The following MUC5B variants were observed in gnomAD, a reference collection of about 807,000 sequenced individuals.
MUC5B encodes mucin 5B, oligomeric mucus/gel-forming.
In MUC5B, 116 loss-of-function variants were observed where a neutral mutation model predicts 376.9. The ratio of observed to expected loss-of-function variants is 0.31; its 90% confidence interval spans 0.26 to 0.36. The LOEUF (loss-of-function observed/expected upper bound fraction) is 0.36. MUC5B is among the 10% of genes least tolerant of loss of function. The probability of loss-of-function intolerance (pLI) is 1.00; values close to 1 mark genes in which losing one functional copy is unlikely to be tolerated. For missense variants in MUC5B, 7,165 were observed against 7,769.9 expected (o/e 0.92, Z 2.93); for synonymous variants, 3,517 against 3,390.9 (o/e 1.04, Z -1.29).
Position 1,261,379 on chromosome 11 carries a change from G to A in MUC5B, c.17070-10G>A. ...AGGTGGCTGATGTGAGGGCCACCCT[G>A]CGTCCACAGGTACTCAGCAGAGGCC... On this transcript the variant is annotated splice_polypyrimidine_tract_variant and intron_variant, in intron 48 of 48. Coordinates refer to ENST00000529681, the MANE Select transcript of MUC5B (RefSeq NM_002458.3). 6.5e-7 allele frequency: 1 copy of A among 1,540,496 alleles called. No homozygotes were observed.
At position 1,251,560 on chromosome 11, in the gene MUC5B, G is replaced by T. The variant is rs1590189241; in HGVS notation, c.14680G>T (p.Val4894Phe). ...TATGCCCACAGCCACTGCCTCCACG[G>T]TTCCCAGCTCGTCCACCGTGGGGAC... ...ATMPTATAST[V>F]PSSSTVGTTR... The change falls in exon 31 of 49, where the codon GTT becomes TTT. Residue 4894 changes from valine to phenylalanine, a missense_variant. Val to Phe is a conservative substitution (Grantham distance 50, BLOSUM62 -1). Transcript: ENST00000529681. 1.2e-6 allele frequency: 2 copies of T among 1,612,940 alleles called. 1 individual carries two copies. The highest frequency in any genetic ancestry group is 3.3e-4 in the Middle Eastern group (2 of 6,060).
chr11:1,255,509 C>T lies in MUC5B; in HGVS notation c.16017C>T (p.Arg5339=), dbSNP rs374509500. The change falls in exon 37 of 49, where the codon CGC becomes CGT. Residue 5339 remains arginine (R), a synonymous_variant. Transcript: ENST00000529681. ...QSLEAYAELC[R]ARGVCSDWRG... is the part of the protein sequence containing the mutation. ...TGGAGGCTTACGCAGAGCTCTGCCG[C>T]GCCCGGGGAGTGTGCAGTGACTGGC... 4.0e-5 allele frequency: 62 copies of T among 1,553,120 alleles called. No homozygotes were observed. Among genetic ancestry groups the T allele is most frequent in the African/African-American group, 1.9e-4 (14 of 73,200 alleles).
At chr11:1,231,963 T>C in intron 14 of MUC5B, 33 bp from the exon 15 acceptor site, 1 of 1,611,658 alleles carries the variant, frequency 6.2e-7, no homozygotes, top group South Asian at 1.1e-5. Flanking sequence ...GGCCCAACAG[T>C]GGCCGCTGAC....
In MUC5B at chr11:1,246,624, C is replaced by A. The variant is rs1208883416; in HGVS notation, c.9744C>A (p.Ala3248=). Residue 3248 remains alanine, a synonymous_variant, in exon 31 of 49, where the codon GCC becomes GCA. Transcript: ENST00000529681. ...TAIPSSSLGT[A]WTRLSQTTTP... ...TCCCCTCTTCCTCCCTGGGCACCGC[C>A]TGGACCCGCCTATCACAGACCACCA... 7 of 1,612,936 alleles carry A rather than the reference C, an allele frequency of 4.3e-6. 1 individual carries two copies. Among genetic ancestry groups the A allele is most frequent in the South Asian group, 2.2e-5 (2 of 91,042 alleles).
Position 1,260,656 on chromosome 11 carries a change from T to A in MUC5B, c.16997T>A (p.Ile5666Asn). ...DSCQVRINTT[I>N]LWHQGCETEV... ...TGTCAAGTCCGCATCAACACGACCA[T>A]CCTGTGGCACCAGGGCTGCGAGACC... Residue 5666 changes from isoleucine to asparagine, a missense_variant, in exon 48 of 49, where the codon ATC (isoleucine) becomes AAC (asparagine). By Grantham distance (149) the Ile-to-Asn change is moderately radical. Transcript: ENST00000529681. 4 of 1,612,618 alleles carry A rather than the reference T, an allele frequency of 2.5e-6. No individual in the cohort carries two copies. Among genetic ancestry groups the A allele is most frequent in the Middle Eastern group, 1.7e-4 (1 of 6,058 alleles).
intron 38 of MUC5B, 182 bp from the exon 39 acceptor site, chr11:1,256,470 CCATCCCCGCCCATACTTAG>C: frequency 1.9e-6 from 1 of 515,802 alleles, no homozygotes; most frequent in Non-Finnish European, 3.4e-6. Flanking sequence ...CGAGCCCCAC[CCATCCCCGCCCATACTTAG>C]CCCCGCCCAC....
At position 1,250,034 on chromosome 11, in the gene MUC5B, C is replaced by G. The variant is rs372174055; in HGVS notation, c.13154C>G (p.Thr4385Ser). ...ATSSTSTPSS[T>S]PGTTWILTEL... ...AGTTCCACGTCCACCCCCTCCTCCA[C>G]TCCGGGGACGACCTGGATCCTCACA... The change falls in exon 31 of 49, where the codon ACT becomes AGT. Residue 4385 changes from threonine to serine, a missense_variant. Thr to Ser is a moderately conservative substitution (Grantham distance 58, BLOSUM62 1). Around this residue, in one of 31 missense-constraint regions of MUC5B, gnomAD observed 431 missense variants for 390.4 expected, o/e 1.10. Coordinates refer to ENST00000529681, the MANE Select transcript of MUC5B (RefSeq NM_002458.3). 6.2e-7 allele frequency: 1 copy of G among 1,613,124 alleles called. No individual in the cohort carries two copies. Among genetic ancestry groups the G allele is most frequent in the Middle Eastern group, 1.7e-4 (1 of 6,058 alleles).
rs753163482 is a variant in MUC5B, at chr11:1,243,483, C to T, written c.6603C>T (p.Ser2201=). The T allele has an allele frequency of 1.9e-6, 3 of 1,578,230 alleles. No individual in the cohort carries two copies. The highest frequency in any genetic ancestry group is 2.8e-5 in the African/African-American group (2 of 71,354). ...PNTMATTHGR[S]LPPSSPHTVR... is the part of the protein sequence containing the mutation. Reference sequence around the variant, plus strand: ...CCATGGCCACCACACACGGGCGATCCCTGCCCCCCAGCAGTCCCCACACGG... The same window carrying T: ...CCATGGCCACCACACACGGGCGATCTCTGCCCCCCAGCAGTCCCCACACGG... Residue 2201 remains serine (S), a synonymous_variant, in exon 31 of 49, where the codon TCC becomes TCT. Transcript: ENST00000529681.
At position 1,257,305 on chromosome 11, in the gene MUC5B, C is replaced by A; in HGVS notation, c.16269+34C>A. ...CTCCACCCCCACCTGCCCTACCCCA[C>A]CCTCTCGCGAGCTGAGGGAGGGAGG... On this transcript the variant is annotated intron_variant, in intron 40 of 48. Coordinates refer to ENST00000529681, the MANE Select transcript of MUC5B (RefSeq NM_002458.3). This position sits in a 1 kb window ranked among gnomAD's most constrained non-coding sequence, Gnocchi z 8.9. 1 of 786,538 alleles carries A rather than the reference C, an allele frequency of 1.3e-6. No individual in the cohort carries two copies. The highest frequency in any genetic ancestry group is 2.4e-6 in the Non-Finnish European group (1 of 424,516). 48.7% of individuals were successfully genotyped at this position (786,538 alleles called of 1,614,324 possible).
At position 1,241,367 on chromosome 11, in the gene MUC5B, C is replaced by T. The variant is rs775947086; in HGVS notation, c.4487C>T (p.Ser1496Leu). ...TCAGGCCCCGTGACGGTCACCCCCTCGGCCCCAGGTACCACCACCTGCCAG... is the reference window on the plus strand; with the variant it reads ...TCAGGCCCCGTGACGGTCACCCCCTTGGCCCCAGGTACCACCACCTGCCAG... Reference protein sequence around the residue: ...SSSGPVTVTPSAPGTTTCQPR... With the variant: ...SSSGPVTVTPLAPGTTTCQPR... Residue 1496 changes from serine to leucine, a missense_variant, in exon 31 of 49, where the codon TCG becomes TTG. Ser to Leu is a moderately radical substitution (Grantham distance 145, BLOSUM62 -2). Around this residue, in one of 31 missense-constraint regions of MUC5B, gnomAD observed 517 missense variants for 545.3 expected, o/e 0.95. Transcript: ENST00000529681. The T allele has an allele frequency of 1.1e-5, 17 of 1,612,912 alleles. No individual in the cohort carries two copies. The highest frequency in any genetic ancestry group is 1.3e-5 in the Non-Finnish European group (15 of 1,179,490).
rs904659610 is a variant in MUC5B, at chr11:1,244,575, C to G, written c.7695C>G (p.Ala2565=). Residue 2565 remains alanine (A), a synonymous_variant, in exon 31 of 49, where the codon GCC becomes GCG. Coordinates refer to ENST00000529681, the MANE Select transcript of MUC5B (RefSeq NM_002458.3). ...TTTPTATMST[A]TPSSTPETVH... Reference sequence around the variant, plus strand: ...CACCCACGGCCACCATGTCCACAGCCACACCCTCCTCCACTCCAGAGACTG... The same window carrying G: ...CACCCACGGCCACCATGTCCACAGCGACACCCTCCTCCACTCCAGAGACTG... 8 of 1,613,386 alleles carry G rather than the reference C, an allele frequency of 5.0e-6. No homozygotes were observed. In the African/African-American group the frequency reaches 9.4e-5, roughly 19 times the overall value.
In MUC5B at chr11:1,241,368, G is replaced by T. The variant is rs570497606; in HGVS notation, c.4488G>T (p.Ser1496=). 2.5e-6 allele frequency: 4 copies of T among 1,613,084 alleles called. No homozygotes were observed. ...CAGGCCCCGTGACGGTCACCCCCTC[G>T]GCCCCAGGTACCACCACCTGCCAGC... ...SSSGPVTVTP[S]APGTTTCQPR... The change falls in exon 31 of 49, where the codon TCG becomes TCT. Residue 1496 remains serine (S), a synonymous_variant. Transcript: ENST00000529681.
At position 1,249,143 on chromosome 11, in the gene MUC5B, G is replaced by A. The variant is rs767942317; in HGVS notation, c.12263G>A (p.Gly4088Asp). The A allele has an allele frequency of 6.2e-7, 1 of 1,609,690 alleles. No individual in the cohort carries two copies. The highest frequency in any genetic ancestry group is 1.7e-5 in the Admixed American group (1 of 59,864). Residue 4088 changes from glycine to aspartate, a missense_variant, in exon 31 of 49, where the codon GGC (glycine) becomes GAC (aspartate). Around this residue, in one of 31 missense-constraint regions of MUC5B, gnomAD observed 85 missense variants for 78.2 expected, o/e 1.09. Coordinates refer to ENST00000529681, the MANE Select transcript of MUC5B (RefSeq NM_002458.3). The part of the protein sequence containing the change: ...SPPSPGTTTP[G>D]HTTATSRTTA... ...CCTTCCCCAGGGACGACCACCCCGG[G>A]CCACACCACGGCCACCTCCAGGACC...
Position 1,252,911 on chromosome 11 carries a change from G to A in MUC5B, c.15148G>A (p.Val5050Met), listed in dbSNP as rs56284214. 2.2e-5 allele frequency: 35 copies of A among 1,612,552 alleles called. No homozygotes were observed. The highest frequency in any genetic ancestry group is 3.3e-4 in the Middle Eastern group (2 of 6,084). The change falls in exon 33 of 49, where the codon GTG becomes ATG. Residue 5050 changes from valine (V) to methionine (M), a missense_variant. Transcript: ENST00000529681. ...AAAGCCTGTGGCCAACGTCACCTGC[G>A]TGAACAAGCACCTGCCCATCAAAGT... ...DPKPVANVTC[V>M]NKHLPIKVSD...
In MUC5B at chr11:1,254,238, A is replaced by G. The variant is rs763701494; in HGVS notation, c.15364A>G (p.Thr5122Ala). ...LSLYLDNHYC[T>A]ASATAAAARC... ...CCTCTACCTGGACAACCACTACTGCACGGCCTCTGCCACTGCCGCTGCCGC... is the reference window on the plus strand; with the variant it reads ...CCTCTACCTGGACAACCACTACTGCGCGGCCTCTGCCACTGCCGCTGCCGC... Residue 5122 changes from threonine (T) to alanine (A), a missense_variant, in exon 34 of 49, where the codon ACG becomes GCG. By Grantham distance (58) the Thr-to-Ala change is moderately conservative. Transcript: ENST00000529681. 4 of 1,612,560 alleles carry G rather than the reference A, an allele frequency of 2.5e-6. No individual in the cohort carries two copies. Among genetic ancestry groups the G allele is most frequent in the Non-Finnish European group, 2.5e-6 (3 of 1,179,860 alleles).
At chr11:1,229,852 C>T (rs1861981261) in intron 10 of MUC5B, 45 bp downstream of exon 10, 1 of 1,550,612 alleles carries the variant, frequency 6.4e-7, no homozygotes, top group Non-Finnish European at 8.7e-7. Flanking sequence ...GGGTGTGGAG[C>T]TCCTGGTATT....
In MUC5B at chr11:1,250,370, C is replaced by T. The variant is rs1862640915; in HGVS notation, c.13490C>T (p.Pro4497Leu). The change falls in exon 31 of 49, where the codon CCC (proline) becomes CTC (leucine). Residue 4497 changes from proline to leucine, a missense_variant. Transcript: ENST00000529681. ...ACAGTCACCAGCTCCAAAGCCACTCCCTCCTCCAGTCCAGGGACTGCAACT... is the reference window on the plus strand; with the variant it reads ...ACAGTCACCAGCTCCAAAGCCACTCTCTCCTCCAGTCCAGGGACTGCAACT... ...TPTVTSSKAT[P>L]SSSPGTATAL... The T allele has an allele frequency of 6.2e-7, 1 of 1,613,566 alleles. No homozygotes were observed. Among genetic ancestry groups the T allele is most frequent in the East Asian group, 2.2e-5 (1 of 44,874 alleles).
At chr11:1,232,237 G>C in intron 15 of MUC5B, 77 bp downstream of exon 15, 1 of 1,475,082 alleles carries the variant, frequency 6.8e-7, no homozygotes, top group Non-Finnish European at 9.1e-7. Flanking sequence ...TGGGCCACGG[G>C]GACCCCTGGG....
Position 1,243,082 on chromosome 11 carries a change from G to C in MUC5B, c.6202G>C (p.Gly2068Arg). Reference protein sequence around the residue: ...GFTATPSSSPGTALTPPVWIS... With the variant: ...GFTATPSSSPRTALTPPVWIS... ...CACAGCCACCCCCTCCTCCAGCCCA[G>C]GGACGGCACTCACGCCTCCAGTGTG... The change falls in exon 31 of 49, where the codon GGG becomes CGG. Residue 2068 changes from glycine (G) to arginine (R), a missense_variant. Transcript: ENST00000529681. 6.2e-7 allele frequency: 1 copy of C among 1,611,776 alleles called. No homozygotes were observed. The highest frequency in any genetic ancestry group is 1.3e-5 in the African/African-American group (1 of 74,694).
Sources: gnomAD v4.1 joint callset for allele counts on GRCh38, gnomAD v4.1.1 for gene constraint, gnomAD v4.1.1 regional missense constraint, Gnocchi (gnomAD v3.1) non-coding constraint, MANE v1.5 for transcripts, NCBI Gene and HGNC (gene_info 2026-07-23, HGNC 2026-07-21) for gene names.